The following FNBP1L variants were observed in gnomAD, a reference collection of about 807,000 sequenced individuals.
The protein encoded by FNBP1L is formin-binding protein 1-like.
A neutral mutation model predicts 91.2 loss-of-function variants in FNBP1L; 36 were observed. The observed-to-expected ratio is 0.39, with a 90% CI of 0.30 to 0.52. FNBP1L has a LOEUF of 0.52. Ranked by LOEUF, FNBP1L falls within the 20% of genes least tolerant of loss-of-function variation. FNBP1L has a pLI of 0.66. For missense variants in FNBP1L, 571 were observed against 732.1 expected, an observed-to-expected ratio of 0.78 and a Z score of 2.54; for synonymous variants, 242 against 237.0, an observed-to-expected ratio of 1.02 and a Z score of -0.19.
At chr1:93,552,110 G>A (rs1672433393) in intron 16 of FNBP1L, 2 of 1,145,054 alleles carry the variant, frequency 1.7e-6, no homozygotes, top group Admixed American at 4.7e-5. Flanking sequence ...TAGTTATTAG[G>A]ATAGATAAAT....
chr1:93,480,277 C>T (rs908257006), intron 1 of FNBP1L, among the ~76,000 whole-genome samples: 15 of 152,116 alleles, frequency 9.9e-5, no homozygotes, highest in Admixed American at 6.6e-5. Context: ...TTGTTCCATC[C>T]GCATACCAAC....
chr1:93,541,531 A>G (rs556197825), intron 11 of FNBP1L, among the ~76,000 whole-genome samples: 38 of 128,466 alleles, frequency 3.0e-4, no homozygotes, highest in African/African-American at 1.1e-3. Context: ...CTTCTGTGCT[A>G]TTGAAGGAGA....
rs532655345 is a variant in FNBP1L, at chr1:93,516,727, AG to A, written c.141-5354del. ...AGGCTGAGGCAGGAGAAAAAAAAAA[AG>A]TAGTCAATCTTTGAAACTACTCACT... On this transcript the variant is annotated intron_variant, in intron 2 of 16. Transcript: ENST00000271234. Among the ~76,000 whole-genome samples, 526 of 152,250 alleles carry A rather than the reference AG, an allele frequency of 3.5e-3. 1 individual carries two copies. Among genetic ancestry groups the A allele is most frequent in the African/African-American group, 0.012 (509 of 41,550 alleles).
chr1:93,489,769 A>G (rs914965147), intron 1 of FNBP1L, among the ~76,000 whole-genome samples: 5 of 152,174 alleles, frequency 3.3e-5, no homozygotes, highest in African/African-American at 1.2e-4. Context: ...ATATTTCTCA[A>G]TTTTCTTTGA....
At chr1:93,548,104 G>A (rs1321079244) in intron 14 of FNBP1L, among the ~76,000 whole-genome samples, 1 of 152,090 alleles carries the variant, frequency 6.6e-6, no homozygotes, top group Non-Finnish European at 1.5e-5. Flanking sequence ...TAGTAAAAAA[G>A]TAAATAATAC....
At chr1:93,521,182 C>T (rs1028329737) in intron 2 of FNBP1L, among the ~76,000 whole-genome samples, 1 of 152,112 alleles carries the variant, frequency 6.6e-6, no homozygotes, top group African/African-American at 2.4e-5. Context: ...AATAAGGTAG[C>T]ATTCTACTAT....
chr1:93,533,098 A>G lies in FNBP1L; in HGVS notation c.786+30A>G, dbSNP rs189310017. 277 of 1,601,612 alleles carry G rather than the reference A, an allele frequency of 1.7e-4. 1 individual carries two copies. The African/African-American group carries it at 3.3e-3, about 19-fold the overall frequency. On this transcript the variant is annotated intron_variant, in intron 8 of 16. Coordinates refer to ENST00000271234, the MANE Select transcript of FNBP1L (RefSeq NM_001164473.3). ...GTGCTAAATAATTATCTTTGAATGC[A>G]TCTGTTTGGTTTAGGTGTGCAGTTT...
intron 1 of FNBP1L, among the ~76,000 whole-genome samples, chr1:93,497,721 G>A (rs1670314203): frequency 6.6e-6 from 1 of 152,124 alleles, no homozygotes; most frequent in African/African-American, 2.4e-5. Context: ...CTGGGTTCAA[G>A]CAATTCTCCT....
intron 16 of FNBP1L, 182 bp downstream of exon 16, chr1:93,551,287 A>G (rs1358719026): frequency 1.2e-5 from 15 of 1,264,378 alleles, no homozygotes; most frequent in East Asian, 5.9e-5. Context: ...TATTACCACA[A>G]GAAACATTTT....
At chr1:93,539,613 GAAA>G (rs1463175551) in intron 10 of FNBP1L, among the ~76,000 whole-genome samples, 1 of 151,978 alleles carries the variant, frequency 6.6e-6, no homozygotes, top group East Asian at 1.9e-4. Context: ...TTTCACTGGT[GAAA>G]ATTATTGAAA....
intron 1 of FNBP1L, among the ~76,000 whole-genome samples, chr1:93,465,112 G>A (rs913696397): frequency 6.6e-6 from 1 of 151,462 alleles, no homozygotes; most frequent in Non-Finnish European, 1.5e-5. Context: ...ATTTTGTGGG[G>A]TCAGGTTTTT....
intron 3 of FNBP1L, 114 bp from the exon 4 acceptor site, chr1:93,523,230 G>A (rs896026303): frequency 1.9e-6 from 2 of 1,026,998 alleles, no homozygotes; most frequent in Admixed American, 3.4e-5. Context: ...ACTAGTAGCT[G>A]AGATTTAGGT....
At chr1:93,452,492 T>C (rs1668530113) in intron 1 of FNBP1L, among the ~76,000 whole-genome samples, 1 of 152,260 alleles carries the variant, frequency 6.6e-6, no homozygotes, top group African/African-American at 2.4e-5. Context: ...AGCTTGGTAA[T>C]GTGACTGCCT....
At chr1:93,513,116 G>A (rs1382979075) in intron 2 of FNBP1L, among the ~76,000 whole-genome samples, 3 of 152,082 alleles carry the variant, frequency 2.0e-5, no homozygotes, top group South Asian at 2.1e-4. Context: ...AAATACAAAC[G>A]ACCATCAGAG....
intron 2 of FNBP1L, among the ~76,000 whole-genome samples, chr1:93,500,331 G>A (rs1670405095): frequency 6.6e-6 from 1 of 152,102 alleles, no homozygotes; most frequent in Non-Finnish European, 1.5e-5. Context: ...GCTCCCTCTT[G>A]TTCTTTTTAT....
At chr1:93,448,782 G>A (rs1032712385) in intron 1 of FNBP1L, among the ~76,000 whole-genome samples, 8 of 152,130 alleles carry the variant, frequency 5.3e-5, no homozygotes, top group African/African-American at 1.9e-4. Flanking sequence ...GGTCCGCGGG[G>A]CTAGGGCGTC....
chr1:93,514,965 A>G (rs1310761409), intron 2 of FNBP1L, among the ~76,000 whole-genome samples: 1 of 152,260 alleles, frequency 6.6e-6, no homozygotes, highest in Non-Finnish European at 1.5e-5. Flanking sequence ...AGAAACTACC[A>G]TCAGAGTGAA....
chr1:93,498,771 T>C (rs970770139), intron 1 of FNBP1L, among the ~76,000 whole-genome samples: 1 of 152,228 alleles, frequency 6.6e-6, no homozygotes, highest in Non-Finnish European at 1.5e-5. Flanking sequence ...TACTCTATTA[T>C]ATGTCATTAT....
chr1:93,494,275 T>C (rs2101720244), intron 1 of FNBP1L, among the ~76,000 whole-genome samples: 1 of 152,264 alleles, frequency 6.6e-6, no homozygotes, highest in Middle Eastern at 3.4e-3. Context: ...TAGGGTAAGA[T>C]TTGGAAAGAC....
Sources: gnomAD v4.1 joint callset for allele counts (sites outside exome capture counted in the v4.1 genomes callset) on GRCh38, gnomAD v4.1.1 for gene constraint, MANE v1.5 for transcripts, NCBI Gene and HGNC (gene_info 2026-07-23, HGNC 2026-07-21) for gene names.